ENPEP: variants seen among roughly 807,000 people sequenced by gnomAD.
ENPEP encodes glutamyl aminopeptidase.
A neutral mutation model predicts 114.5 loss-of-function variants in ENPEP; 103 were observed. The ratio of observed to expected loss-of-function variants is 0.90; its 90% confidence interval spans 0.77 to 1.06. The LOEUF (loss-of-function observed/expected upper bound fraction) is 1.06, where lower values mean the gene tolerates loss of function less well. ENPEP is among the 50% of genes least tolerant of loss of function. The pLI, the probability that ENPEP is intolerant of heterozygous loss-of-function variation, is 0.00. For synonymous variants in ENPEP, 420 were observed against 422.0 expected (o/e 1.00, Z 0.06); for missense variants, 1,196 against 1,161.3 (o/e 1.03, Z -0.43).
At chr4:110,480,687 C>G (rs1033286416) in intron 1 of ENPEP, among the ~76,000 whole-genome samples, 4 of 152,186 alleles carry the variant, frequency 2.6e-5, no homozygotes, top group Non-Finnish European at 5.9e-5. Context: ...GCTTCACAAA[C>G]TTCACAGCTA....
chr4:110,516,232 A>G (rs1270348900), intron 8 of ENPEP, among the ~76,000 whole-genome samples: 1 of 152,238 alleles, frequency 6.6e-6, no homozygotes. Context: ...AACAGAAATG[A>G]CAATAAACTT....
chr4:110,485,108 T>C (rs2110333801), intron 1 of ENPEP, among the ~76,000 whole-genome samples: 1 of 152,300 alleles, frequency 6.6e-6, no homozygotes, highest in African/African-American at 2.4e-5. Context: ...TGGAGCTTGG[T>C]GGATCTTATA....
chr4:110,549,844 T>C lies in ENPEP; in HGVS notation c.2459T>C (p.Leu820Pro). ...TSLAQEKEKL[L>P]YGLASVKNVT... ...TTAGCTCAAGAAAAAGAAAAACTGC[T>C]GTATGGATTAGCATCAGTGAAGAAC... The change falls in exon 17 of 20, where the codon CTG becomes CCG. Residue 820 changes from leucine (L) to proline (P), a missense_variant. By Grantham distance (98) the Leu-to-Pro change is moderately conservative. Transcript: ENST00000265162. 1 of 1,613,098 alleles carries C rather than the reference T, an allele frequency of 6.2e-7. No homozygotes were observed. Among genetic ancestry groups the C allele is most frequent in the Non-Finnish European group, 8.5e-7 (1 of 1,179,422 alleles).
At chr4:110,526,053 A>G (rs1358703167) in intron 10 of ENPEP, among the ~76,000 whole-genome samples, 4 of 152,106 alleles carry the variant, frequency 2.6e-5, no homozygotes, top group Non-Finnish European at 5.9e-5. Context: ...AGGTGGGTGG[A>G]TCACTTGAGG....
chr4:110,526,132 C>T (rs528797738), intron 10 of ENPEP, among the ~76,000 whole-genome samples: 21 of 151,988 alleles, frequency 1.4e-4, no homozygotes, highest in Middle Eastern at 3.4e-3. Context: ...AAAAATTAGC[C>T]GGGCATGGTA....
chr4:110,519,617 T>TCCA (rs139912675), intron 8 of ENPEP: 17,334 of 177,234 alleles, frequency 0.098, 1,086 homozygotes, highest in South Asian at 0.17. Flanking sequence ...CCCCAATTCA[T>TCCA]CCACCACCAC....
intron 10 of ENPEP, among the ~76,000 whole-genome samples, chr4:110,528,534 C>T (rs1726283965): frequency 6.6e-6 from 1 of 152,154 alleles, no homozygotes; most frequent in Non-Finnish European, 1.5e-5. Flanking sequence ...TTTAAATAAT[C>T]CAAGATTAGG....
intron 7 of ENPEP, 69 bp from the exon 8 acceptor site, chr4:110,515,308 A>T (rs1160239743): frequency 7.9e-7 from 1 of 1,266,990 alleles, no homozygotes; most frequent in African/African-American, 1.5e-5. Flanking sequence ...TAGTTGCAAG[A>T]GTAATAACTG....
chr4:110,553,427 C>CA lies in ENPEP; in HGVS notation c.2616dup (p.Leu873ThrfsTer14). The CA allele has an allele frequency of 6.2e-7, 1 of 1,610,524 alleles. No homozygotes were observed. The highest frequency in any genetic ancestry group is 1.3e-5 in the African/African-American group (1 of 74,906). On this transcript the variant is annotated frameshift_variant, in exon 18 of 20. Coordinates refer to ENST00000265162, the MANE Select transcript of ENPEP (RefSeq NM_001977.4). LOFTEE classifies it high-confidence loss of function. ...GAAGAACATGGCCTGGAATTGGATACAACTCAACTGGGACTATCTAGTCAA... is the reference window on the plus strand; with the variant it reads ...GAAGAACATGGCCTGGAATTGGATACAAACTCAACTGGGACTATCTAGTCAA...
Position 110,564,457 on chromosome 4 carries a change from T to C in ENPEP, c.*2899T>C, listed in dbSNP as rs1727767253. 1 of 152,174 alleles carries C rather than the reference T, an allele frequency of 6.6e-6. No homozygotes were observed. The highest frequency in any genetic ancestry group is 1.5e-5 in the Non-Finnish European group (1 of 68,042). 9.4% of individuals were successfully genotyped at this position (152,174 alleles called of 1,614,324 possible). A position where few individuals can be genotyped will look rare whatever the true frequency, so the allele number is the denominator to read the frequency against. The stretch of plus-strand genomic sequence containing the variant: ...AAAATAGTAGCTACCTCAATGGTAG[T>C]TGTGAGGATTAAATACAAAAATGCA... On this transcript the variant is annotated 3_prime_UTR_variant, in exon 20 of 20. Transcript: ENST00000265162.
intron 18 of ENPEP, among the ~76,000 whole-genome samples, chr4:110,554,963 A>G (rs577448653): frequency 6.6e-6 from 1 of 152,100 alleles, no homozygotes; most frequent in East Asian, 1.9e-4. Context: ...TGCATTTTTC[A>G]TTTTTAAAAA....
At chr4:110,525,139 A>G (rs1488744845) in intron 10 of ENPEP, among the ~76,000 whole-genome samples, 1 of 152,262 alleles carries the variant, frequency 6.6e-6, no homozygotes, top group Non-Finnish European at 1.5e-5. Context: ...TCACACCTGC[A>G]TGAATACAAC....
Position 110,561,622 on chromosome 4 carries a change from C to A in ENPEP, c.*64C>A. On this transcript the variant is annotated 3_prime_UTR_variant, in exon 20 of 20. Coordinates refer to ENST00000265162, the MANE Select transcript of ENPEP (RefSeq NM_001977.4). ...GTTTCTCCTCTGAAGCATTTGGTGG[C>A]CTAATTTACAAGCACGATGGAGAGA... The A allele has an allele frequency of 1.3e-6, 2 of 1,512,556 alleles. No individual in the cohort carries two copies. Among genetic ancestry groups the A allele is most frequent in the Non-Finnish European group, 9.0e-7 (1 of 1,112,432 alleles). 93.7% of individuals were successfully genotyped at this position (1,512,556 alleles called of 1,614,324 possible). A position where few individuals can be genotyped will look rare whatever the true frequency, so the allele number is the denominator to read the frequency against.
intron 1 of ENPEP, among the ~76,000 whole-genome samples, chr4:110,478,074 G>A (rs1333534806): frequency 6.6e-6 from 1 of 152,168 alleles, no homozygotes; most frequent in Non-Finnish European, 1.5e-5. Flanking sequence ...AAAGCTTCTT[G>A]TCACAGTTTA....
At chr4:110,534,617 C>T (rs1578411901) in intron 11 of ENPEP, among the ~76,000 whole-genome samples, 2 of 143,322 alleles carry the variant, frequency 1.4e-5, no homozygotes, top group Admixed American at 7.5e-5. Context: ...AAGTGATTCT[C>T]CTGCCTCAGC....
At chr4:110,494,498 A>G (rs1724852338) in intron 3 of ENPEP, among the ~76,000 whole-genome samples, 1 of 152,230 alleles carries the variant, frequency 6.6e-6, no homozygotes, top group Non-Finnish European at 1.5e-5. Flanking sequence ...TAATCAGATT[A>G]TACTATGCAA....
At position 110,517,167 on chromosome 4, in the gene ENPEP, T is replaced by C. The variant is rs145482563; in HGVS notation, c.1509+1725T>C. Among the ~76,000 whole-genome samples the C allele has an allele frequency of 3.4e-3, 521 of 152,160 alleles. 20 individuals are homozygous for C. The South Asian group carries it at 0.046, about 13-fold the overall frequency. On this transcript the variant is annotated intron_variant, in intron 8 of 19. Transcript: ENST00000265162. ...GTTGCCCAGGCTGGTCTTGAACTTG[T>C]GAGCTCAAGAGATCCGCCCGCCTCG...
In ENPEP at chr4:110,559,689, A is replaced by G; in HGVS notation, c.2685A>G (p.Ile895Met). 4 of 1,614,068 alleles carry G rather than the reference A, an allele frequency of 2.5e-6. No individual in the cohort carries two copies. The highest frequency in any genetic ancestry group is 2.5e-6 in the Non-Finnish European group (3 of 1,179,900). The part of the protein sequence containing the change: ...NNRNLGRIVT[I>M]AEPFNTELQL... ...GAAACCTTGGCCGAATTGTCACAAT[A>G]GCAGAGCCATTCAACACTGAACTGC... is the stretch of plus-strand genomic sequence containing the variant. The change falls in exon 19 of 20, where the codon ATA becomes ATG. Residue 895 changes from isoleucine (I) to methionine (M), a missense_variant. Transcript: ENST00000265162.
At position 110,549,377 on chromosome 4, in the gene ENPEP, C is replaced by G. The variant is rs766399859; in HGVS notation, c.2183C>G (p.Ala728Gly). The G allele has an allele frequency of 6.2e-6, 10 of 1,613,110 alleles. No homozygotes were observed. The highest frequency in any genetic ancestry group is 7.6e-6 in the Non-Finnish European group (9 of 1,179,452). ...EYFQGQVKPI[A>G]DSLGWNDAGD... is the part of the protein sequence containing the mutation. ...TTCCAAGGTCAAGTGAAGCCTATTGCAGATTCTCTGGGATGGAATGATGCT... is the reference window on the plus strand; with the variant it reads ...TTCCAAGGTCAAGTGAAGCCTATTGGAGATTCTCTGGGATGGAATGATGCT... The change falls in exon 15 of 20, where the codon GCA becomes GGA. Residue 728 changes from alanine (A) to glycine (G), a missense_variant. Physicochemically the swap from Ala to Gly is moderately conservative, Grantham distance 60. Transcript: ENST00000265162.
Sources: allele counts gnomAD v4.1 joint callset (sites outside exome capture counted in the v4.1 genomes callset), GRCh38; gene constraint gnomAD v4.1.1; transcripts MANE v1.5; gene names NCBI Gene and HGNC (gene_info 2026-07-23, HGNC 2026-07-21).